Variants in UNC5D observed in about 807,000 individuals in gnomAD.
UNC5D encodes netrin receptor UNC5D.
Under a neutral mutation model 105.4 loss-of-function variants are expected in UNC5D, and 39 were observed. The observed-to-expected ratio is 0.37, with a 90% CI of 0.29 to 0.48. The LOEUF is 0.48. Ranked by LOEUF, UNC5D falls within the 20% of genes least tolerant of loss-of-function variation. UNC5D has a pLI of 0.98. For synonymous variants in UNC5D, 452 were observed against 450.4 expected (o/e 1.00, Z -0.04); for missense variants, 991 against 1,202.4 (o/e 0.82, Z 2.60).
chr8:35,723,834 A>G (rs2131543448), intron 9 of UNC5D, among the ~76,000 whole-genome samples: 1 of 152,256 alleles, frequency 6.6e-6, no homozygotes, highest in South Asian at 2.1e-4. Context: ...TTTTGTGCAT[A>G]AGTCCGTAGG....
intron 1 of UNC5D, among the ~76,000 whole-genome samples, chr8:35,241,943 A>T (rs1245845148): frequency 6.6e-6 from 1 of 152,230 alleles, no homozygotes; most frequent in Non-Finnish European, 1.5e-5. Context: ...ATTAAGTGGT[A>T]TATTTGTACC....
At chr8:35,617,452 C>T (rs539350673) in intron 4 of UNC5D, among the ~76,000 whole-genome samples, 20 of 152,284 alleles carry the variant, frequency 1.3e-4, no homozygotes, top group African/African-American at 4.6e-4. Context: ...AGCTTCAGTT[C>T]TAGAATCTGT....
intron 1 of UNC5D, among the ~76,000 whole-genome samples, chr8:35,494,629 G>A (rs1326294819): frequency 3.3e-5 from 5 of 152,106 alleles, no homozygotes; most frequent in Admixed American, 6.5e-5. Flanking sequence ...CAAATCATTC[G>A]TATACCCTGG....
chr8:35,379,721 G>A (rs1468467912), intron 1 of UNC5D, among the ~76,000 whole-genome samples: 4 of 151,984 alleles, frequency 2.6e-5, no homozygotes, highest in African/African-American at 7.3e-5. Flanking sequence ...ACTTAATGAG[G>A]GGAAAGCCAA....
At chr8:35,427,445 C>A (rs560897394) in intron 1 of UNC5D, among the ~76,000 whole-genome samples, 1 of 152,168 alleles carries the variant, frequency 6.6e-6, no homozygotes, top group Non-Finnish European at 1.5e-5. Context: ...ATTCTACTTA[C>A]CAAATTGCTT....
chr8:35,305,593 C>CTTTCTTTCTTTCTTTCTTTCTTTCA (rs1808307540), intron 1 of UNC5D, among the ~76,000 whole-genome samples: 19 of 142,144 alleles, frequency 1.3e-4, no homozygotes, highest in African/African-American at 4.9e-4. Flanking sequence ...TTCTTTCTTT[C>CTTTCTTTCTTTCTTTCTTTCTTTCA]TTTCTTTCTT....
chr8:35,482,634 A>G (rs1378190157), intron 1 of UNC5D, among the ~76,000 whole-genome samples: 1 of 152,028 alleles, frequency 6.6e-6, no homozygotes, highest in African/African-American at 2.4e-5. Flanking sequence ...TTAAGTATTT[A>G]CTTTGGTCTA....
At chr8:35,739,217 A>G (rs1829626754) in intron 11 of UNC5D, among the ~76,000 whole-genome samples, 1 of 152,136 alleles carries the variant, frequency 6.6e-6, no homozygotes, top group Non-Finnish European at 1.5e-5. Flanking sequence ...ATTGTACTCT[A>G]TTCCCCAGTG....
chr8:35,368,056 C>A (rs1429037570), intron 1 of UNC5D, among the ~76,000 whole-genome samples: 1 of 152,068 alleles, frequency 6.6e-6, no homozygotes, highest in Admixed American at 6.6e-5. Context: ...CATGGTGAAG[C>A]AAAACAGGTC....
rs111259725 is a variant in UNC5D at position 35,411,623 on chromosome 8, C to A, written c.104-137669C>A. On this transcript the variant is annotated intron_variant, in intron 1 of 16. Coordinates refer to ENST00000404895, the MANE Select transcript of UNC5D (RefSeq NM_080872.4). The stretch of plus-strand genomic sequence containing the variant: ...AATATCACCTATTTAAAGATGTCCA[C>A]CCTGGCCATCTTACCTGTAAACCAC... 2.7e-3 allele frequency among the ~76,000 whole-genome samples: 418 copies of A among 152,152 alleles called. 6 individuals are homozygous for A. Among genetic ancestry groups the A allele is most frequent in the African/African-American group, 9.7e-3 (402 of 41,514 alleles).
intron 1 of UNC5D, among the ~76,000 whole-genome samples, chr8:35,244,472 G>T (rs1802971919): frequency 2.0e-5 from 3 of 152,088 alleles, no homozygotes; most frequent in Admixed American, 2.0e-4. Flanking sequence ...TCTGTAGGGT[G>T]GTATGTTTCT....
chr8:35,654,508 C>T (rs767293561), intron 4 of UNC5D, among the ~76,000 whole-genome samples: 4 of 152,126 alleles, frequency 2.6e-5, no homozygotes, highest in East Asian at 3.9e-4. Context: ...GTTTGGAGCA[C>T]GGAGCAGTGG....
intron 1 of UNC5D, among the ~76,000 whole-genome samples, chr8:35,329,261 T>C (rs1810414573): frequency 6.6e-6 from 1 of 152,146 alleles, no homozygotes; most frequent in Admixed American, 6.6e-5. Context: ...TTTACTGCCA[T>C]ACTATCGTCT....
intron 1 of UNC5D, among the ~76,000 whole-genome samples, chr8:35,240,403 A>G (rs1033089803): frequency 6.6e-6 from 1 of 152,234 alleles, no homozygotes; most frequent in Non-Finnish European, 1.5e-5. Context: ...AATAATAGTA[A>G]TACTTATTAG....
At position 35,549,295 on chromosome 8, in the gene UNC5D, C is replaced by T; in HGVS notation, c.107C>T (p.Thr36Ile). The change falls in exon 2 of 17, where the codon ACT (threonine) becomes ATT (isoleucine). Residue 36 changes from threonine to isoleucine, a missense_variant. Physicochemically the swap from Thr to Ile is moderately conservative, Grantham distance 89. Around this residue, in one of 3 missense-constraint regions of UNC5D, gnomAD observed 944 missense variants for 1,131.6 expected, o/e 0.83. Transcript: ENST00000404895. ...WAAGTAAARG[T>I]DNGEALPESI... is the part of the protein sequence containing the mutation. ...GATGTCTTTTTTGATTTCACAGGAACTGACAATGGCGAAGCCCTTCCCGAA... is the reference window on the plus strand; with the variant it reads ...GATGTCTTTTTTGATTTCACAGGAATTGACAATGGCGAAGCCCTTCCCGAA... 1.2e-6 allele frequency: 2 copies of T among 1,612,960 alleles called. No individual in the cohort carries two copies. The highest frequency in any genetic ancestry group is 1.7e-6 in the Non-Finnish European group (2 of 1,180,010).
At chr8:35,716,969 T>A (rs1267372501) in intron 8 of UNC5D, among the ~76,000 whole-genome samples, 3 of 152,260 alleles carry the variant, frequency 2.0e-5, no homozygotes, top group African/African-American at 7.2e-5. Context: ...CCTCCTGTGC[T>A]GAGGGTGCTT....
intron 7 of UNC5D, among the ~76,000 whole-genome samples, chr8:35,692,377 T>G (rs1161856684): frequency 6.6e-6 from 1 of 152,232 alleles, no homozygotes; most frequent in Non-Finnish European, 1.5e-5. Flanking sequence ...ATTCTAAACC[T>G]CATTGTTATC....
At chr8:35,789,273 G>A (rs868473565) in intron 16 of UNC5D, among the ~76,000 whole-genome samples, 2 of 145,372 alleles carry the variant, frequency 1.4e-5, no homozygotes, top group Non-Finnish European at 3.0e-5. Flanking sequence ...AGTCATTGAA[G>A]ACAACTAGAG....
chr8:35,249,457 C>G (rs1331451099), intron 1 of UNC5D, among the ~76,000 whole-genome samples: 9 of 150,796 alleles, frequency 6.0e-5, no homozygotes, highest in Non-Finnish European at 1.2e-4. Context: ...ACTCGGGAGG[C>G]TGAGGCAGGA....
Sources: gnomAD v4.1 joint callset for allele counts (sites outside exome capture counted in the v4.1 genomes callset) on GRCh38, gnomAD v4.1.1 for gene constraint, gnomAD v4.1.1 regional missense constraint, MANE v1.5 for transcripts, NCBI Gene and HGNC (gene_info 2026-07-23, HGNC 2026-07-21) for gene names.